The following FMNL2 variants were observed in gnomAD, a reference collection of about 807,000 sequenced individuals.
FMNL2 encodes the protein formin like 2.
Under a neutral mutation model 130.2 loss-of-function variants are expected in FMNL2, and 51 were observed. That is an observed-to-expected ratio of 0.39 (90% CI 0.31 to 0.49). The LOEUF is 0.49. FMNL2 is among the 20% of genes least tolerant of loss of function. The probability of loss-of-function intolerance (pLI) is 0.85; values close to 1 mark genes in which losing one functional copy is unlikely to be tolerated. For synonymous variants in FMNL2, 465 were observed against 467.1 expected (o/e 1.00, Z 0.06); for missense variants, 977 against 1,316.2 (o/e 0.74, Z 3.99).
At chr2:152,498,204 G>T (rs75808952) in intron 1 of FMNL2, among the ~76,000 whole-genome samples, 1 of 152,246 alleles carries the variant, frequency 6.6e-6, no homozygotes, top group East Asian at 1.9e-4. Flanking sequence ...CAGAAAGCAG[G>T]AATCTTGGAG....
chr2:152,359,062 T>C (rs78058329), intron 1 of FMNL2, among the ~76,000 whole-genome samples: 72 of 152,322 alleles, frequency 4.7e-4, no homozygotes, highest in African/African-American at 1.6e-3. Context: ...TAGATGTGAG[T>C]ACTAACAGTG....
intron 1 of FMNL2, among the ~76,000 whole-genome samples, chr2:152,347,608 G>A (rs1489375065): frequency 6.6e-6 from 1 of 151,960 alleles, no homozygotes; most frequent in Non-Finnish European, 1.5e-5. Flanking sequence ...GGATATGTAG[G>A]TACAAAATTT....
chr2:152,398,724 G>T (rs573045857), intron 1 of FMNL2, among the ~76,000 whole-genome samples: 2 of 152,164 alleles, frequency 1.3e-5, no homozygotes, highest in African/African-American at 4.8e-5. Context: ...TATTGATAAA[G>T]AAATAGTATA....
chr2:152,474,177 C>A (rs1690015308), intron 1 of FMNL2, among the ~76,000 whole-genome samples: 1 of 152,122 alleles, frequency 6.6e-6, no homozygotes, highest in Non-Finnish European at 1.5e-5. Flanking sequence ...GCACCTGGCC[C>A]AAATTTACTT....
chr2:152,497,116 T>C (rs766061110), intron 1 of FMNL2, among the ~76,000 whole-genome samples: 31 of 152,198 alleles, frequency 2.0e-4, no homozygotes, highest in Non-Finnish European at 4.0e-4. Flanking sequence ...TTTGTATCTA[T>C]ATATTAAAAA....
At chr2:152,374,542 T>C (rs917195229) in intron 1 of FMNL2, among the ~76,000 whole-genome samples, 16 of 152,144 alleles carry the variant, frequency 1.1e-4, no homozygotes, top group African/African-American at 3.6e-4. Flanking sequence ...AAAAGAGGTA[T>C]ACATCAAATG....
chr2:152,543,333 C>T (rs770467113), intron 3 of FMNL2, among the ~76,000 whole-genome samples: 93 of 151,562 alleles, frequency 6.1e-4, no homozygotes, highest in Non-Finnish European at 9.0e-4. Context: ...TCTCAACAGA[C>T]TCTCCCCTTT....
At chr2:152,336,932 G>A (rs561283142) in intron 1 of FMNL2, among the ~76,000 whole-genome samples, 3 of 152,250 alleles carry the variant, frequency 2.0e-5, no homozygotes, top group African/African-American at 7.2e-5. Flanking sequence ...CAGAGGACTC[G>A]AGTTCTAGAT....
At chr2:152,578,622 TG>T (rs1256020205) in intron 7 of FMNL2, 1 of 260,672 alleles carries the variant, frequency 3.8e-6, no homozygotes, top group Non-Finnish European at 7.2e-6. Flanking sequence ...ATGTGGGTCT[TG>T]TTGTCCTGGA....
At chr2:152,493,743 C>T (rs1691345680) in intron 1 of FMNL2, among the ~76,000 whole-genome samples, 1 of 152,206 alleles carries the variant, frequency 6.6e-6, no homozygotes. Context: ...AGGCTCTCAC[C>T]AGGAGCAGAT....
At chr2:152,548,117 T>G (rs551930957) in intron 3 of FMNL2, among the ~76,000 whole-genome samples, 403 of 152,182 alleles carry the variant, frequency 2.6e-3, no homozygotes, top group African/African-American at 9.1e-3. Flanking sequence ...GGCAAGGGAA[T>G]GAGGAAGGGC....
chr2:152,432,134 C>A (rs1422824159), intron 1 of FMNL2, among the ~76,000 whole-genome samples: 1 of 151,480 alleles, frequency 6.6e-6, no homozygotes, highest in African/African-American at 2.4e-5. Context: ...TGGCTAATAT[C>A]TATGTAAAAG....
intron 1 of FMNL2, among the ~76,000 whole-genome samples, chr2:152,450,122 A>ATATT (rs1461585193): frequency 6.6e-6 from 1 of 152,234 alleles, no homozygotes; most frequent in African/African-American, 2.4e-5. Flanking sequence ...ATAAAAACTA[A>ATATT]TTTTAATATT....
At chr2:152,479,672 A>AAT (rs60836039) in intron 1 of FMNL2, among the ~76,000 whole-genome samples, 17,262 of 150,982 alleles carry the variant, frequency 0.11, 1,205 homozygotes, top group East Asian at 0.27. Flanking sequence ...TTGGCTTTAA[A>AAT]ATATATATAA....
At chr2:152,428,791 A>G (rs1687322922) in intron 1 of FMNL2, among the ~76,000 whole-genome samples, 1 of 152,154 alleles carries the variant, frequency 6.6e-6, no homozygotes, top group African/African-American at 2.4e-5. Flanking sequence ...CTTTGGATAG[A>G]GATAGTTCGA....
chr2:152,352,801 T>A (rs1397118906), intron 1 of FMNL2, among the ~76,000 whole-genome samples: 2 of 152,100 alleles, frequency 1.3e-5, no homozygotes, highest in Non-Finnish European at 2.9e-5. Context: ...TTTGTTTTTT[T>A]AAATGCCCCT....
intron 1 of FMNL2, among the ~76,000 whole-genome samples, chr2:152,418,976 C>CTT (rs34491065): frequency 9.8e-5 from 14 of 142,190 alleles, no homozygotes; most frequent in Non-Finnish European, 1.5e-4. Context: ...GTGTCTTTTC[C>CTT]TTTTTTTTTT....
At chr2:152,370,962 T>C (rs776120424) in intron 1 of FMNL2, among the ~76,000 whole-genome samples, 31 of 152,206 alleles carry the variant, frequency 2.0e-4, no homozygotes, top group Non-Finnish European at 4.0e-4. Flanking sequence ...GGTGTCTCGC[T>C]GATGTAGTTG....
At chr2:152,631,971 A>T (rs1458614208) in intron 20 of FMNL2, 37 bp from the exon 21 acceptor site, 1 of 1,589,232 alleles carries the variant, frequency 6.3e-7, no homozygotes, top group South Asian at 1.2e-5. Context: ...GTTACCCTTT[A>T]CTCTTGTACC....
Sources: gnomAD v4.1 joint callset for allele counts (sites outside exome capture counted in the v4.1 genomes callset) on GRCh38, gnomAD v4.1.1 for gene constraint, MANE v1.5 for transcripts, NCBI Gene and HGNC (gene_info 2026-07-23, HGNC 2026-07-21) for gene names.